Variants in CLVS1 observed in about 807,000 individuals in gnomAD.
CLVS1 encodes clavesin-1.
Under a neutral mutation model 33.1 loss-of-function variants are expected in CLVS1, and 10 were observed. The observed-to-expected ratio is 0.30, with a 90% CI of 0.19 to 0.51. The LOEUF is 0.51. CLVS1 is among the 20% of genes least tolerant of loss of function. CLVS1 has a pLI of 0.97. For missense variants in CLVS1, 343 were observed against 433.4 expected, an observed-to-expected ratio of 0.79 and a Z score of 1.85; for synonymous variants, 163 against 166.1, an observed-to-expected ratio of 0.98 and a Z score of 0.14.
At chr8:61,367,826 C>T (rs970702758) in intron 2 of CLVS1, among the ~76,000 whole-genome samples, 1 of 152,196 alleles carries the variant, frequency 6.6e-6, no homozygotes, top group South Asian at 2.1e-4. Flanking sequence ...TTTACTGTCT[C>T]CTACTGATTT....
the CLVS1 span, among the ~76,000 whole-genome samples, chr8:61,047,305 C>T: frequency 3.9e-5 from 6 of 152,248 alleles, no homozygotes; most frequent in East Asian, 1.2e-3. Flanking sequence ...AGTCAGGAAA[C>T]AACAGTTGCT....
chr8:61,311,222 T>C (rs1234242083), intron 2 of CLVS1, among the ~76,000 whole-genome samples: 4 of 152,210 alleles, frequency 2.6e-5, no homozygotes, highest in Non-Finnish European at 4.4e-5. Flanking sequence ...GAGTTTATAA[T>C]GTGCCTTGAT....
At chr8:61,378,160 C>A (rs537682892) in intron 3 of CLVS1, 1 of 152,314 alleles carries the variant, frequency 6.6e-6, no homozygotes, top group African/African-American at 2.4e-5. Flanking sequence ...CTAGGAATTT[C>A]TGTACAAGCT....
At chr8:61,401,548 A>T in intron 3 of CLVS1, among the ~76,000 whole-genome samples, 1 of 152,182 alleles carries the variant, frequency 6.6e-6, no homozygotes, top group East Asian at 1.9e-4. Context: ...CTGCTCAAAG[A>T]AATCAGAGGC....
In CLVS1 at chr8:61,120,018, C is replaced by T. The variant is rs1018758412; in HGVS notation, c.-242-11752C>T. ...ATCACTTTCAGGTACACCAATCAGA[C>T]GTAGATTTGGTCTTTTCACATAGTT... On this transcript the variant is annotated intron_variant, in intron 1 of 2. Coordinates refer to the CLVS1 transcript ENST00000522621. Among the ~76,000 whole-genome samples, 451 of 146,934 alleles carry T rather than the reference C, an allele frequency of 3.1e-3. 8 individuals are homozygous for T. Among genetic ancestry groups the T allele is most frequent in the African/African-American group, 0.011 (419 of 38,928 alleles).
chr8:61,476,912 G>A (rs564085588), intron 5 of CLVS1, among the ~76,000 whole-genome samples: 4 of 152,112 alleles, frequency 2.6e-5, no homozygotes, highest in Non-Finnish European at 4.4e-5. Context: ...TTTGTCCATT[G>A]AGTATGATAT....
intron 3 of CLVS1, among the ~76,000 whole-genome samples, chr8:61,435,338 T>C (rs1233105624): frequency 6.6e-6 from 1 of 152,198 alleles, no homozygotes; most frequent in Non-Finnish European, 1.5e-5. Flanking sequence ...TTCTGCTTCC[T>C]TCTCTTTGGA....
intron 2 of CLVS1, among the ~76,000 whole-genome samples, chr8:61,308,639 G>A (rs1398437344): frequency 6.6e-6 from 1 of 152,092 alleles, no homozygotes; most frequent in Non-Finnish European, 1.5e-5. Flanking sequence ...CATATTTCCA[G>A]CACCCTTAGG....
chr8:61,280,890 A>G (rs1006674156), intron 2 of CLVS1, among the ~76,000 whole-genome samples: 1 of 152,176 alleles, frequency 6.6e-6, no homozygotes, highest in Non-Finnish European at 1.5e-5. Context: ...GGCCTCCCAA[A>G]GTGCTCAGAC....
chr8:61,497,442 T>TGC (rs1554581107), intron 5 of CLVS1, among the ~76,000 whole-genome samples: 2 of 127,540 alleles, frequency 1.6e-5, no homozygotes, highest in Admixed American at 8.0e-5. Flanking sequence ...AGGTTTTTAT[T>TGC]GGGGGGGGGG....
the CLVS1 span, among the ~76,000 whole-genome samples, chr8:60,967,068 A>G: frequency 7.9e-5 from 12 of 152,236 alleles, no homozygotes; most frequent in Admixed American, 7.9e-4. Flanking sequence ...TATCTATAAC[A>G]TACCATAGTT....
intron 2 of CLVS1, among the ~76,000 whole-genome samples, chr8:61,212,470 C>T: frequency 6.6e-6 from 1 of 152,168 alleles, no homozygotes; most frequent in East Asian, 1.9e-4. Context: ...GAGGCTGGCG[C>T]TGCCCAGTTG....
intron 5 of CLVS1, among the ~76,000 whole-genome samples, chr8:61,482,420 G>T (rs566141022): frequency 2.4e-4 from 36 of 152,310 alleles, no homozygotes; most frequent in Non-Finnish European, 8.8e-5. Context: ...GCTAAAGGAG[G>T]ATGTTCGAAC....
At chr8:61,156,214 CAA>C (rs56094016) in intron 2 of CLVS1, among the ~76,000 whole-genome samples, 80 of 56,318 alleles carry the variant, frequency 1.4e-3, no homozygotes, top group African/African-American at 5.0e-3. Context: ...GATTCCATCT[CAA>C]AAAAAAAAAA....
rs376982355 is a variant in CLVS1, at chr8:61,108,845, G to C, written c.-242-22925G>C. 1.2e-4 allele frequency among the ~76,000 whole-genome samples: 19 copies of C among 152,350 alleles called. 1 individual carries two copies. In the East Asian group the frequency reaches 2.1e-3, roughly 17 times the overall value. Reference sequence around the variant, plus strand: ...GACAGCCCCACTGAGTCAGGGGCCTGAGGGTATTCTCAGTTCAGCCCTCAT... The same window carrying C: ...GACAGCCCCACTGAGTCAGGGGCCTCAGGGTATTCTCAGTTCAGCCCTCAT... On this transcript the variant is annotated intron_variant, in intron 1 of 2. Coordinates refer to the CLVS1 transcript ENST00000522621.
At chr8:61,090,059 C>T (rs186440861) in intron 1 of CLVS1, among the ~76,000 whole-genome samples, 87 of 152,326 alleles carry the variant, frequency 5.7e-4, no homozygotes, top group African/African-American at 1.9e-3. Flanking sequence ...CCCCTCCTTT[C>T]TTTGATTATT....
At chr8:61,062,355 C>A (rs917773172) in intron 1 of CLVS1, among the ~76,000 whole-genome samples, 1 of 152,156 alleles carries the variant, frequency 6.6e-6, no homozygotes, top group East Asian at 1.9e-4. Flanking sequence ...CAAAGCCAGG[C>A]GTAGAGACAG....
chr8:61,168,084 C>G (rs998857701), intron 2 of CLVS1, among the ~76,000 whole-genome samples: 1 of 152,156 alleles, frequency 6.6e-6, no homozygotes, highest in African/African-American at 2.4e-5. Context: ...TGTGAGAGAT[C>G]GAAGAACCCT....
chr8:61,467,484 C>T (rs148220938), intron 5 of CLVS1, among the ~76,000 whole-genome samples: 100 of 152,220 alleles, frequency 6.6e-4, no homozygotes, highest in African/African-American at 2.4e-3. Flanking sequence ...GAACCCATCA[C>T]CATGGCCAGG....
Sources: gnomAD v4.1 joint callset for allele counts (sites outside exome capture counted in the v4.1 genomes callset) on GRCh38, gnomAD v4.1.1 for gene constraint, MANE v1.5 for transcripts, NCBI Gene and HGNC (gene_info 2026-07-23, HGNC 2026-07-21) for gene names.